Variants in ATE1 observed in about 807,000 individuals in gnomAD.
ATE1 encodes arginyltransferase 1.
Under a neutral mutation model 70.5 loss-of-function variants are expected in ATE1, and 36 were observed. The observed-to-expected ratio is 0.51, with a 90% CI of 0.39 to 0.67. The LOEUF (loss-of-function observed/expected upper bound fraction) is 0.67, where lower values mean the gene tolerates loss of function less well. Among genes scored for constraint, ATE1 ranks in the 30% least tolerant of loss-of-function variants. The pLI is 0.00. For synonymous variants in ATE1, 232 were observed against 219.3 expected, an observed-to-expected ratio of 1.06 and a Z score of -0.51; for missense variants, 593 against 629.5, an observed-to-expected ratio of 0.94 and a Z score of 0.62.
intron 11 of ATE1, among the ~76,000 whole-genome samples, chr10:121,779,784 TC>T (rs1413601971): frequency 6.6e-6 from 1 of 152,182 alleles, no homozygotes; most frequent in Admixed American, 6.5e-5. Flanking sequence ...TAACTTTCAC[TC>T]TATTTTTAAG....
intron 11 of ATE1, among the ~76,000 whole-genome samples, chr10:121,754,926 C>CT (rs1944732378): frequency 6.6e-6 from 1 of 152,152 alleles, no homozygotes; most frequent in South Asian, 2.1e-4. Context: ...CTTGCCAAAG[C>CT]TATGTGACCT....
chr10:121,866,095 TG>T (rs1362880339), intron 8 of ATE1, among the ~76,000 whole-genome samples: 1 of 152,244 alleles, frequency 6.6e-6, no homozygotes, highest in African/African-American at 2.4e-5. Context: ...ATAAGCTTAA[TG>T]GCAAAATTAA....
intron 5 of ATE1, among the ~76,000 whole-genome samples, chr10:121,905,457 C>A (rs997642519): frequency 6.6e-6 from 1 of 152,150 alleles, no homozygotes; most frequent in Non-Finnish European, 1.5e-5. Context: ...CTACCTGTAT[C>A]GTCTTTACAC....
At chr10:121,895,614 C>CA (rs199916637) in intron 7 of ATE1, among the ~76,000 whole-genome samples, 61 of 144,418 alleles carry the variant, frequency 4.2e-4, no homozygotes, top group Admixed American at 3.0e-3. Context: ...AACTCCGGCT[C>CA]AAAAAAAAAA....
intron 10 of ATE1, among the ~76,000 whole-genome samples, chr10:121,813,645 A>G (rs1489529847): frequency 1.3e-5 from 2 of 152,224 alleles, no homozygotes; most frequent in Non-Finnish European, 2.9e-5. Context: ...GCTATCTAGG[A>G]AGAGGAGGAA....
chr10:121,912,361 A>G (rs958790871), intron 4 of ATE1, among the ~76,000 whole-genome samples: 12 of 151,872 alleles, frequency 7.9e-5, no homozygotes, highest in Non-Finnish European at 1.6e-4. Flanking sequence ...CTACAAAAGA[A>G]AGAGAGGCAG....
At position 121,926,117 on chromosome 10, in the gene ATE1, G is replaced by C. The variant is rs145521235; in HGVS notation, c.106+1727C>G. On this transcript the variant is annotated intron_variant, in intron 1 of 11. Coordinates refer to ENST00000224652, the MANE Select transcript of ATE1 (RefSeq NM_001001976.3). The stretch of plus-strand genomic sequence containing the variant: ...ACAGCTACTCGGGAGGCTGAGGCAG[G>C]AGAATCCCTTTAACCTGGGAGGTGG... Among the ~76,000 whole-genome samples the C allele has an allele frequency of 5.1e-3, 780 of 152,270 alleles. 7 individuals are homozygous for C. Among genetic ancestry groups the C allele is most frequent in the African/African-American group, 0.018 (751 of 41,554 alleles).
chr10:121,772,126 G>C (rs1474131227), intron 11 of ATE1, among the ~76,000 whole-genome samples: 1 of 152,158 alleles, frequency 6.6e-6, no homozygotes, highest in East Asian at 1.9e-4. Context: ...ACATTCCCCA[G>C]ACATCAGGGA....
chr10:121,855,751 A>G (rs1431903331), intron 8 of ATE1, among the ~76,000 whole-genome samples: 1 of 152,206 alleles, frequency 6.6e-6, no homozygotes, highest in African/African-American at 2.4e-5. Context: ...AACTCTTAAC[A>G]GAAACTGCTA....
At chr10:121,838,176 G>A (rs1948498197) in intron 9 of ATE1, among the ~76,000 whole-genome samples, 1 of 152,028 alleles carries the variant, frequency 6.6e-6, no homozygotes, top group African/African-American at 2.4e-5. Context: ...AATCTCCACA[G>A]AACAGGCCAA....
intron 9 of ATE1, 123 bp from the exon 10 acceptor site, chr10:121,836,940 T>C (rs1590436900): frequency 4.8e-6 from 3 of 627,410 alleles, no homozygotes; most frequent in Non-Finnish European, 8.3e-6. Context: ...AAATTACAAA[T>C]ATTGAAAGAA....
In ATE1 at chr10:121,822,751, A is replaced by C. The variant is rs7078189; in HGVS notation, c.1257+13967T>G. Among the ~76,000 whole-genome samples, 403 of 152,078 alleles carry C rather than the reference A, an allele frequency of 2.6e-3. 2 individuals carry two copies. The highest frequency in any genetic ancestry group is 0.024 in the South Asian group (116 of 4,818). ...CTTTCACATGCAATGCAGGCTCCCCAAAAAAAATTTTTTTTAATTCCACTG... is the reference window on the plus strand; with the variant it reads ...CTTTCACATGCAATGCAGGCTCCCCCAAAAAAATTTTTTTTAATTCCACTG... On this transcript the variant is annotated intron_variant, in intron 10 of 11. Coordinates refer to ENST00000224652, the MANE Select transcript of ATE1 (RefSeq NM_001001976.3).
chr10:121,745,864 TAA>T (rs773404742), intron 11 of ATE1, among the ~76,000 whole-genome samples: 1 of 152,114 alleles, frequency 6.6e-6, no homozygotes, highest in Non-Finnish European at 1.5e-5. Context: ...GAGAACTGGG[TAA>T]AGAGTTAAGG....
intron 10 of ATE1, among the ~76,000 whole-genome samples, chr10:121,814,418 T>G (rs1564860374): frequency 1.3e-5 from 2 of 152,208 alleles, no homozygotes; most frequent in Non-Finnish European, 2.9e-5. Context: ...GTACTATGGC[T>G]GAGGCTGGAC....
At chr10:121,778,733 A>C (rs10788207) in intron 11 of ATE1, among the ~76,000 whole-genome samples, 143,547 of 152,036 alleles carry the variant, frequency 0.94, 67,995 homozygotes, top group Non-Finnish European at 0.98. Context: ...TCCTAAGCAG[A>C]TGGGATTACA....
At chr10:121,887,069 A>T (rs974888369) in intron 7 of ATE1, among the ~76,000 whole-genome samples, 3 of 152,216 alleles carry the variant, frequency 2.0e-5, no homozygotes, top group Non-Finnish European at 2.9e-5. Flanking sequence ...CCTCAATGAA[A>T]ATTACAATAA....
intron 7 of ATE1, among the ~76,000 whole-genome samples, chr10:121,871,877 T>G (rs183557052): frequency 6.6e-6 from 1 of 152,380 alleles, no homozygotes; most frequent in African/African-American, 2.4e-5. Context: ...GTCTTCTTAA[T>G]GCTGACATGA....
rs1944129158 is a variant in ATE1 at position 121,740,930 on chromosome 10, AT to A, written c.*2749del. ...GAATACAAAAAAGTGCTCAGATTAC[AT>A]TTAAAAAAATAACAAAAATCTCTTA... On this transcript the variant is annotated 3_prime_UTR_variant, in exon 12 of 12. Transcript: ENST00000224652. 1 of 152,232 alleles carries A rather than the reference AT, an allele frequency of 6.6e-6. No individual in the cohort carries two copies. Among genetic ancestry groups the A allele is most frequent in the South Asian group, 2.1e-4 (1 of 4,838 alleles). 9.4% of individuals were successfully genotyped at this position (152,232 alleles called of 1,614,324 possible).
At chr10:121,916,753 T>C (rs1951676763) in intron 3 of ATE1, among the ~76,000 whole-genome samples, 1 of 151,726 alleles carries the variant, frequency 6.6e-6, no homozygotes, top group African/African-American at 2.4e-5. Context: ...GAGAATCACT[T>C]GAACCTGGGA....
Sources: allele counts gnomAD v4.1 joint callset (sites outside exome capture counted in the v4.1 genomes callset), GRCh38; gene constraint gnomAD v4.1.1; transcripts MANE v1.5; gene names NCBI Gene and HGNC (gene_info 2026-07-23, HGNC 2026-07-21).